DPP10: variants seen among roughly 807,000 people sequenced by gnomAD.
The protein encoded by DPP10 is inactive dipeptidyl peptidase 10.
Under a neutral mutation model 120.9 loss-of-function variants are expected in DPP10, and 33 were observed. The ratio of observed to expected loss-of-function variants is 0.27; its 90% CI spans 0.21 to 0.37. The LOEUF is 0.37. Among genes scored for constraint, DPP10 ranks in the 10% least tolerant of loss-of-function variants. DPP10 has a pLI of 1.00. For synonymous variants in DPP10, 337 were observed against 326.1 expected, an observed-to-expected ratio of 1.03 and a Z score of -0.36; for missense variants, 816 against 942.8, an observed-to-expected ratio of 0.87 and a Z score of 1.76.
chr2:114,702,351 G>A (rs1267576814), intron 1 of DPP10, among the ~76,000 whole-genome samples: 5 of 151,900 alleles, frequency 3.3e-5, no homozygotes, highest in African/African-American at 9.7e-5. Context: ...CCTTTAGGTG[G>A]ATGAAATGGT....
chr2:114,507,782 TG>T (rs1240757178), intron 1 of DPP10, among the ~76,000 whole-genome samples: 1 of 152,180 alleles, frequency 6.6e-6, no homozygotes, highest in East Asian at 1.9e-4. Flanking sequence ...ATATCTAAAG[TG>T]GGAATAATAA....
intron 1 of DPP10, among the ~76,000 whole-genome samples, chr2:114,936,805 C>G (rs1356193668): frequency 6.6e-6 from 1 of 152,076 alleles, no homozygotes; most frequent in East Asian, 1.9e-4. Flanking sequence ...GAGGTGTTAT[C>G]ACATTGTGAT....
intron 1 of DPP10, among the ~76,000 whole-genome samples, chr2:115,273,615 C>T (rs1205645096): frequency 6.6e-6 from 1 of 152,178 alleles, no homozygotes; most frequent in Non-Finnish European, 1.5e-5. Context: ...GGATGACAGG[C>T]GTGAGCCACC....
chr2:115,749,823 A>G (rs1000784580), intron 10 of DPP10, among the ~76,000 whole-genome samples: 2 of 152,234 alleles, frequency 1.3e-5, no homozygotes, highest in African/African-American at 4.8e-5. Context: ...CAGGAAGGCC[A>G]TGAAAACACG....
In DPP10 at chr2:114,740,699, C is replaced by A. The variant is rs550071534; in HGVS notation, c.60+297861C>A. 8.8e-4 allele frequency among the ~76,000 whole-genome samples: 134 copies of A among 152,162 alleles called. 1 individual carries two copies. The highest frequency in any genetic ancestry group is 1.2e-3 in the Non-Finnish European group (82 of 68,020). ...ATTTCAAGTGCCTGCAACCAACTAACCAGACTAAGTGAAAAATGAAAGGAA... is the reference window on the plus strand; with the variant it reads ...ATTTCAAGTGCCTGCAACCAACTAAACAGACTAAGTGAAAAATGAAAGGAA... On this transcript the variant is annotated intron_variant, in intron 1 of 25. Coordinates refer to ENST00000410059, the MANE Select transcript of DPP10 (RefSeq NM_020868.6).
intron 1 of DPP10, among the ~76,000 whole-genome samples, chr2:114,692,486 G>A (rs773840055): frequency 5.9e-5 from 9 of 151,958 alleles, no homozygotes; most frequent in Non-Finnish European, 1.0e-4. Context: ...ATTTGCTGAG[G>A]AGTGTTTTAC....
At chr2:114,854,054 T>C (rs1689180020) in intron 1 of DPP10, among the ~76,000 whole-genome samples, 1 of 152,198 alleles carries the variant, frequency 6.6e-6, no homozygotes, top group African/African-American at 2.4e-5. Context: ...ACTATCAAGT[T>C]TTGGGATAAT....
chr2:114,675,381 A>T (rs554441538), intron 1 of DPP10, among the ~76,000 whole-genome samples: 6 of 152,286 alleles, frequency 3.9e-5, no homozygotes, highest in African/African-American at 1.2e-4. Flanking sequence ...GTGAGGATTG[A>T]TTTGATAAAT....
At chr2:114,526,088 G>C (rs1255238414) in intron 1 of DPP10, among the ~76,000 whole-genome samples, 6 of 152,180 alleles carry the variant, frequency 3.9e-5, no homozygotes, top group Non-Finnish European at 8.8e-5. Context: ...TATTGCCAAA[G>C]AGAAATGCTC....
intron 1 of DPP10, among the ~76,000 whole-genome samples, chr2:114,910,177 T>C (rs1012826070): frequency 3.3e-5 from 5 of 151,906 alleles, no homozygotes; most frequent in African/African-American, 7.2e-5. Flanking sequence ...CACACACATA[T>C]AATTTATATT....
At chr2:114,602,830 A>T (rs1314092070) in intron 1 of DPP10, among the ~76,000 whole-genome samples, 1 of 152,000 alleles carries the variant, frequency 6.6e-6, no homozygotes, top group African/African-American at 2.4e-5. Context: ...GGTTTTTATT[A>T]TTGTTGTTTG....
chr2:115,301,321 A>C (rs1223410488), intron 1 of DPP10, among the ~76,000 whole-genome samples: 1 of 151,800 alleles, frequency 6.6e-6, no homozygotes, highest in African/African-American at 2.4e-5. Context: ...TGAGATTCAA[A>C]CTATATATTC....
At chr2:115,220,782 A>T (rs2057108214) in intron 1 of DPP10, among the ~76,000 whole-genome samples, 1 of 152,146 alleles carries the variant, frequency 6.6e-6, no homozygotes, top group Non-Finnish European at 1.5e-5. Context: ...TCAAAAGGGA[A>T]ATACAACAAT....
chr2:115,277,764 C>A (rs1177776967), intron 1 of DPP10, among the ~76,000 whole-genome samples: 1 of 151,892 alleles, frequency 6.6e-6, no homozygotes, highest in African/African-American at 2.4e-5. Context: ...TTTATTATAT[C>A]TTGAAATATA....
At chr2:114,872,406 C>A (rs1260183948) in intron 1 of DPP10, among the ~76,000 whole-genome samples, 1 of 152,148 alleles carries the variant, frequency 6.6e-6, no homozygotes, top group African/African-American at 2.4e-5. Flanking sequence ...CCTCCCCCAA[C>A]ACGTGGGTAT....
rs568539944 is a variant in DPP10 at position 114,960,866 on chromosome 2, A to G, written c.61-348373A>G. ...AGATTCTATACATGGTAGCTGACCA[A>G]TTTGTTTTGGTGGCTATATAGCTTA... On this transcript the variant is annotated intron_variant, in intron 1 of 25. Coordinates refer to ENST00000410059, the MANE Select transcript of DPP10 (RefSeq NM_020868.6). Among the ~76,000 whole-genome samples the G allele has an allele frequency of 6.4e-4, 98 of 152,196 alleles. 1 individual carries two copies. The highest frequency in any genetic ancestry group is 1.1e-3 in the Non-Finnish European group (75 of 68,020).
chr2:114,669,906 G>C (rs1403000465), intron 1 of DPP10, among the ~76,000 whole-genome samples: 1 of 151,952 alleles, frequency 6.6e-6, no homozygotes, highest in Admixed American at 6.6e-5. Flanking sequence ...GCAGCCAAAA[G>C]ACACATGAAA....
At chr2:115,696,416 A>G (rs139529984) in intron 7 of DPP10, among the ~76,000 whole-genome samples, 4 of 152,328 alleles carry the variant, frequency 2.6e-5, no homozygotes, top group African/African-American at 9.6e-5. Flanking sequence ...CATCAGAAAC[A>G]TAAGAAGCCA....
chr2:115,445,921 A>G (rs140391863), intron 3 of DPP10, among the ~76,000 whole-genome samples: 2 of 152,306 alleles, frequency 1.3e-5, no homozygotes, highest in East Asian at 3.9e-4. Flanking sequence ...CCAGGACCCC[A>G]CTGCTCTGTG....
Sources: gnomAD v4.1 joint callset for allele counts (sites outside exome capture counted in the v4.1 genomes callset) on GRCh38, gnomAD v4.1.1 for gene constraint, MANE v1.5 for transcripts, NCBI Gene and HGNC (gene_info 2026-07-23, HGNC 2026-07-21) for gene names.